Variants in NELL1 observed in about 807,000 individuals in gnomAD.
NELL1 encodes protein kinase C-binding protein NELL1.
Under a neutral mutation model 107.4 loss-of-function variants are expected in NELL1, and 76 were observed. The ratio of observed to expected loss-of-function variants is 0.71; its 90% CI spans 0.59 to 0.86. NELL1 has a LOEUF of 0.86. NELL1 is among the 40% of genes least tolerant of loss of function. NELL1 has a pLI of 0.00. For missense variants in NELL1, 1,024 were observed against 1,005.5 expected, an observed-to-expected ratio of 1.02 and a Z score of -0.25; for synonymous variants, 353 against 341.2, an observed-to-expected ratio of 1.03 and a Z score of -0.38.
intron 12 of NELL1, among the ~76,000 whole-genome samples, chr11:21,050,419 C>CTT (rs202186693): frequency 6.8e-6 from 1 of 146,338 alleles, no homozygotes; most frequent in African/African-American, 2.5e-5. Context: ...TTTAAATTGG[C>CTT]TTTTTTTTTT....
At chr11:21,440,306 T>G (rs1034927323) in intron 15 of NELL1, among the ~76,000 whole-genome samples, 4 of 142,008 alleles carry the variant, frequency 2.8e-5, no homozygotes, top group Non-Finnish European at 5.9e-5. Context: ...AAAAGTAAGT[T>G]TTTTTTTTTT....
At chr11:20,755,863 C>A (rs1209132722) in intron 2 of NELL1, among the ~76,000 whole-genome samples, 3 of 120,348 alleles carry the variant, frequency 2.5e-5, no homozygotes, top group Admixed American at 8.0e-5. Flanking sequence ...GCCAGACCTG[C>A]GGTTTTTTTT....
At chr11:21,022,620 A>G (rs1852727056) in intron 12 of NELL1, among the ~76,000 whole-genome samples, 1 of 152,130 alleles carries the variant, frequency 6.6e-6, no homozygotes, top group Non-Finnish European at 1.5e-5. Flanking sequence ...AAGAACTTGG[A>G]AGAGTTCATC....
chr11:21,151,892 T>C (rs764882924), intron 13 of NELL1, among the ~76,000 whole-genome samples: 2 of 152,212 alleles, frequency 1.3e-5, no homozygotes, highest in Non-Finnish European at 2.9e-5. Flanking sequence ...TCTGGAGGTA[T>C]CACTTTATTG....
At chr11:21,257,278 G>C (rs1858793813) in intron 14 of NELL1, among the ~76,000 whole-genome samples, 2 of 152,000 alleles carry the variant, frequency 1.3e-5, no homozygotes, top group African/African-American at 4.8e-5. Context: ...TTCTGAAGTA[G>C]ATATTTTAAA....
chr11:21,017,740 C>G (rs758052390), intron 12 of NELL1, among the ~76,000 whole-genome samples: 1 of 152,092 alleles, frequency 6.6e-6, no homozygotes, highest in Non-Finnish European at 1.5e-5. Context: ...CATAATATAT[C>G]CATTCCTTAT....
intron 15 of NELL1, among the ~76,000 whole-genome samples, chr11:21,412,870 A>G (rs977241783): frequency 9.9e-5 from 15 of 152,076 alleles, no homozygotes; most frequent in Non-Finnish European, 1.5e-5. Flanking sequence ...CATGAGTCCC[A>G]TTTGCAACCC....
At chr11:21,246,142 C>G (rs1036603312) in intron 14 of NELL1, among the ~76,000 whole-genome samples, 2 of 152,094 alleles carry the variant, frequency 1.3e-5, no homozygotes, top group African/African-American at 4.8e-5. Flanking sequence ...GTCTATATGT[C>G]AGGCACTGGG....
At chr11:21,017,016 A>G (rs1446504800) in intron 12 of NELL1, among the ~76,000 whole-genome samples, 1 of 152,004 alleles carries the variant, frequency 6.6e-6, no homozygotes, top group Non-Finnish European at 1.5e-5. Context: ...CTTTGCCTCA[A>G]TTTTTATGCT....
Position 21,457,614 on chromosome 11 carries a change from G to A in NELL1, c.1646-76760G>A, listed in dbSNP as rs182537909. Among the ~76,000 whole-genome samples the A allele has an allele frequency of 2.6e-5, 4 of 152,236 alleles. No homozygotes were observed. The East Asian group carries it at 7.7e-4, about 29-fold the overall frequency. On this transcript the variant is annotated intron_variant, in intron 15 of 19. Coordinates refer to ENST00000357134, the MANE Select transcript of NELL1 (RefSeq NM_006157.5). ...CAGAATTTTTAGGCCTTTAATTCCT[G>A]AGAATATCCACTTAGAGAAATCCAG... is the stretch of plus-strand genomic sequence containing the variant.
intron 3 of NELL1, among the ~76,000 whole-genome samples, chr11:20,822,416 G>A (rs1282343322): frequency 2.6e-5 from 4 of 152,200 alleles, no homozygotes; most frequent in Non-Finnish European, 5.9e-5. Flanking sequence ...TAGCATAAAT[G>A]CCTAGTATAT....
intron 12 of NELL1, among the ~76,000 whole-genome samples, chr11:21,018,209 T>G (rs1317607527): frequency 6.6e-6 from 1 of 152,162 alleles, no homozygotes; most frequent in Non-Finnish European, 1.5e-5. Flanking sequence ...CTTATTTCTC[T>G]TGGCATTTCT....
chr11:21,384,613 C>T (rs1045844521), intron 15 of NELL1, among the ~76,000 whole-genome samples: 3 of 151,830 alleles, frequency 2.0e-5, no homozygotes, highest in Non-Finnish European at 2.9e-5. Flanking sequence ...CACCCCACAA[C>T]AGTCCCCAGA....
At chr11:20,761,861 C>T (rs1226231881) in intron 2 of NELL1, among the ~76,000 whole-genome samples, 1 of 152,214 alleles carries the variant, frequency 6.6e-6, no homozygotes, top group African/African-American at 2.4e-5. Context: ...GATGGTTTTG[C>T]AGAGCCACAC....
At chr11:20,750,371 A>G (rs888760367) in intron 2 of NELL1, among the ~76,000 whole-genome samples, 9 of 151,990 alleles carry the variant, frequency 5.9e-5, no homozygotes, top group Non-Finnish European at 1.5e-5. Context: ...TCTCTGGCTT[A>G]TCTATTCATA....
At chr11:21,270,461 G>T (rs1385757419) in intron 14 of NELL1, among the ~76,000 whole-genome samples, 1 of 151,948 alleles carries the variant, frequency 6.6e-6, no homozygotes, top group Non-Finnish European at 1.5e-5. Flanking sequence ...TTTTAAAAGG[G>T]TTAATTCTCC....
intron 2 of NELL1, among the ~76,000 whole-genome samples, chr11:20,691,442 T>G (rs1854463169): frequency 6.6e-6 from 1 of 151,998 alleles, no homozygotes; most frequent in South Asian, 2.1e-4. Flanking sequence ...GCTCTTATTA[T>G]TTTGAGATAC....
At chr11:21,001,310 C>T (rs924689072) in intron 12 of NELL1, among the ~76,000 whole-genome samples, 36 of 152,098 alleles carry the variant, frequency 2.4e-4, no homozygotes, top group African/African-American at 8.2e-4. Context: ...CCACTTTTTC[C>T]CACATTGGAA....
intron 14 of NELL1, among the ~76,000 whole-genome samples, chr11:21,279,942 C>A (rs1848955639): frequency 6.6e-6 from 1 of 152,154 alleles, no homozygotes; most frequent in South Asian, 2.1e-4. Flanking sequence ...ATGCACAATA[C>A]TAGGTGACAG....
Sources: gnomAD v4.1 joint callset for allele counts (sites outside exome capture counted in the v4.1 genomes callset) on GRCh38, gnomAD v4.1.1 for gene constraint, MANE v1.5 for transcripts, NCBI Gene and HGNC (gene_info 2026-07-23, HGNC 2026-07-21) for gene names.